The following LINC00237 variants were observed in gnomAD, a reference collection of about 807,000 sequenced individuals.
LINC00237 encodes the protein long intergenic non-protein coding RNA 237.
chr20:21,090,386 G>C (rs1301056580), intron 2 of LINC00237: 2 of 152,172 alleles, frequency 1.3e-5, no homozygotes, highest in Admixed American at 6.5e-5. Context: ...TCTCTCAGCA[G>C]TCTTCTCTAG....
intron 1 of LINC00237, among the ~76,000 whole-genome samples, chr20:21,096,075 G>C (rs2030854307): frequency 6.6e-6 from 1 of 152,162 alleles, no homozygotes. Flanking sequence ...GGTGTTTCCA[G>C]AGATCACCTT....
At chr20:21,105,746 C>T (rs961819553) in intron 1 of LINC00237, among the ~76,000 whole-genome samples, 1 of 152,230 alleles carries the variant, frequency 6.6e-6, no homozygotes, top group Non-Finnish European at 1.5e-5. Context: ...GGAGACTCTG[C>T]GCCTAGAGTT....
chr20:21,094,437 A>T (rs1167890646), intron 1 of LINC00237, among the ~76,000 whole-genome samples: 1 of 152,212 alleles, frequency 6.6e-6, no homozygotes, highest in Non-Finnish European at 1.5e-5. Flanking sequence ...AAGACAAAAT[A>T]ACAAGTGTGT....
At chr20:21,097,722 TC>T (rs1412517300) in intron 1 of LINC00237, among the ~76,000 whole-genome samples, 15 of 152,194 alleles carry the variant, frequency 9.9e-5, no homozygotes, top group Admixed American at 9.2e-4. Flanking sequence ...TTTGGATTTT[TC>T]CCCCCAACAA....
At chr20:21,090,475 T>C (rs2030777556) in intron 2 of LINC00237, 1 of 152,172 alleles carries the variant, frequency 6.6e-6, no homozygotes, top group African/African-American at 2.4e-5. Context: ...CAATTACCAG[T>C]TTTCCGGAGC....
chr20:21,102,180 C>T (rs1340225822), intron 1 of LINC00237, among the ~76,000 whole-genome samples: 1 of 152,256 alleles, frequency 6.6e-6, no homozygotes, highest in Non-Finnish European at 1.5e-5. Context: ...GGCGCGGCTC[C>T]GCGTCCCCAC....
At chr20:21,097,464 TA>T (rs531570006) in intron 1 of LINC00237, among the ~76,000 whole-genome samples, 25 of 150,616 alleles carry the variant, frequency 1.7e-4, no homozygotes, top group Non-Finnish European at 2.4e-4. Context: ...TATGTCAATT[TA>T]AAAAAAAAAT....
At chr20:21,102,689 T>C (rs1003701042) in intron 1 of LINC00237, among the ~76,000 whole-genome samples, 1 of 132,600 alleles carries the variant, frequency 7.5e-6, no homozygotes, top group Non-Finnish European at 1.6e-5. Context: ...TAATTCCTAT[T>C]TTATAAGAAA....
At chr20:21,094,787 C>T (rs1438260644) in intron 1 of LINC00237, among the ~76,000 whole-genome samples, 4 of 152,174 alleles carry the variant, frequency 2.6e-5, no homozygotes, top group African/African-American at 9.7e-5. Context: ...CAATGGCTTA[C>T]ACCTGTATTC....
chr20:21,088,759 T>A (rs2030748195), intron 2 of LINC00237, among the ~76,000 whole-genome samples: 1 of 152,182 alleles, frequency 6.6e-6, no homozygotes, highest in African/African-American at 2.4e-5. Context: ...ACAGTTTCTA[T>A]CTGTTTCCCT....
chr20:21,097,617 TG>T (rs1156783310), intron 1 of LINC00237, among the ~76,000 whole-genome samples: 41 of 152,332 alleles, frequency 2.7e-4, no homozygotes, highest in African/African-American at 9.6e-4. Context: ...TTTAAGTTAT[TG>T]GACACAACTC....
At chr20:21,104,584 C>G (rs531580292) in intron 1 of LINC00237, among the ~76,000 whole-genome samples, 1 of 152,240 alleles carries the variant, frequency 6.6e-6, no homozygotes, top group African/African-American at 2.4e-5. Context: ...GGGCCCAGGA[C>G]GCGGGGCAGC....
intron 1 of LINC00237, among the ~76,000 whole-genome samples, chr20:21,106,008 C>T (rs2030994949): frequency 6.6e-6 from 1 of 152,206 alleles, no homozygotes; most frequent in African/African-American, 2.4e-5. Context: ...GAGGGGCGCC[C>T]CTTCCCCCCA....
chr20:21,086,083 T>G (rs1410883780), intron 3 of LINC00237, among the ~76,000 whole-genome samples: 1 of 152,224 alleles, frequency 6.6e-6, no homozygotes, highest in African/African-American at 2.4e-5. Context: ...AAGCAAACGC[T>G]GCTTAAACTT....
chr20:21,097,131 C>T (rs4815020), intron 1 of LINC00237, among the ~76,000 whole-genome samples: 17,854 of 152,150 alleles, frequency 0.12, 1,982 homozygotes, highest in East Asian at 0.31. Context: ...CCTGAACTTG[C>T]TTCTGTAGCT....
At chr20:21,103,069 C>G (rs1480680371) in intron 1 of LINC00237, among the ~76,000 whole-genome samples, 2 of 152,236 alleles carry the variant, frequency 1.3e-5, no homozygotes. Context: ...AGTGTAGCGG[C>G]TGGTCTGGCC....
rs539391601 is a variant in LINC00237, at chr20:21,089,490, C to T, written n.473-1460G>A. ...ATGGTTATTCATGAATCACCCCGGG[C>T]CTGCCATGATAAATAACAGTGGCCT... On this transcript the variant is annotated intron_variant and non_coding_transcript_variant, in intron 2 of 3. Coordinates refer to ENST00000691244, the Ensembl canonical transcript of LINC00237. Among the ~76,000 whole-genome samples the T allele has an allele frequency of 4.6e-5, 7 of 152,190 alleles. No homozygotes were observed. In the South Asian group the frequency reaches 1.5e-3, roughly 32 times the overall value.
chr20:21,089,599 G>T (rs1281973736), intron 2 of LINC00237: 2 of 152,122 alleles, frequency 1.3e-5, no homozygotes, highest in Non-Finnish European at 2.9e-5. Flanking sequence ...GGGATGTCTA[G>T]TAAAAATGAT....
intron 1 of LINC00237, among the ~76,000 whole-genome samples, chr20:21,096,224 C>G (rs1228971651): frequency 6.6e-6 from 1 of 152,182 alleles, no homozygotes; most frequent in Non-Finnish European, 1.5e-5. Context: ...GTTCTTCAAA[C>G]AAAACAGAAA....
Sources: gnomAD v4.1 joint callset for allele counts (sites outside exome capture counted in the v4.1 genomes callset) on GRCh38, gnomAD v4.1.1 for gene constraint, MANE v1.5 for transcripts, NCBI Gene and HGNC (gene_info 2026-07-23, HGNC 2026-07-21) for gene names.